PTPRN2: variants seen among roughly 807,000 people sequenced by gnomAD.
PTPRN2 encodes receptor-type tyrosine-protein phosphatase N2.
Under a neutral mutation model 118.8 loss-of-function variants are expected in PTPRN2, and 74 were observed. That is an observed-to-expected ratio of 0.62 (90% CI 0.52 to 0.76). The LOEUF (loss-of-function observed/expected upper bound fraction) is 0.76, where lower values mean the gene tolerates loss of function less well. Among genes scored for constraint, PTPRN2 ranks in the 30% least tolerant of loss-of-function variants. The pLI is 0.00. For synonymous variants in PTPRN2, 641 were observed against 608.0 expected, an observed-to-expected ratio of 1.05 and a Z score of -0.80; for missense variants, 1,481 against 1,394.4, an observed-to-expected ratio of 1.06 and a Z score of -0.99.
intron 12 of PTPRN2, among the ~76,000 whole-genome samples, chr7:157,812,209 C>G (rs1264818473): frequency 1.3e-5 from 2 of 152,190 alleles, no homozygotes; most frequent in Non-Finnish European, 2.9e-5. Flanking sequence ...GATGTGAGGT[C>G]CGCTCATTAG....
Position 158,555,771 on chromosome 7 carries a change from C to A in PTPRN2, c.112+31787G>T, listed in dbSNP as rs1334507947. ...CCAGCGGGTTCCACCCACTGCCTAG[C>A]AGGCCATCTACATGGGGCAGACCAC... On this transcript the variant is annotated intron_variant, in intron 1 of 22. Transcript: ENST00000389418. The surrounding 1 kb of genome is among the most constrained non-coding windows in gnomAD (Gnocchi z 4.7). 6.6e-6 allele frequency among the ~76,000 whole-genome samples: 1 copy of A among 152,144 alleles called. No homozygotes were observed. The highest frequency in any genetic ancestry group is 6.5e-5 in the Admixed American group (1 of 15,284).
chr7:158,188,879 C>G (rs1240833126), intron 5 of PTPRN2, among the ~76,000 whole-genome samples: 1 of 152,162 alleles, frequency 6.6e-6, no homozygotes, highest in African/African-American at 2.4e-5. Context: ...GTAAATACAA[C>G]TGGTTAGTGT....
chr7:157,904,328 G>A (rs1475639558), intron 11 of PTPRN2, among the ~76,000 whole-genome samples: 1 of 152,172 alleles, frequency 6.6e-6, no homozygotes, highest in Non-Finnish European at 1.5e-5. Context: ...GAGGAGTCAG[G>A]GGCTCCGCAG....
intron 2 of PTPRN2, among the ~76,000 whole-genome samples, chr7:158,337,804 T>C (rs868644807): frequency 2.6e-4 from 2 of 7,644 alleles, no homozygotes; most frequent in East Asian, 2.9e-3. Context: ...CCATAAGAGG[T>C]GACGCCCATA....
At chr7:158,005,792 C>T (rs1443033078) in intron 11 of PTPRN2, among the ~76,000 whole-genome samples, 2 of 152,314 alleles carry the variant, frequency 1.3e-5, no homozygotes, top group African/African-American at 2.4e-5. Flanking sequence ...TCCTCATGCA[C>T]GCTGAGGCAC....
intron 2 of PTPRN2, among the ~76,000 whole-genome samples, chr7:158,326,579 T>C (rs1241800004): frequency 1.3e-5 from 2 of 151,796 alleles, no homozygotes; most frequent in African/African-American, 4.8e-5. Context: ...CACATACACG[T>C]CCTCACACAT....
rs1801741244 is a variant in PTPRN2 at position 157,964,196 on chromosome 7, G to T, written c.1724-65459C>A. Among the ~76,000 whole-genome samples, 1 of 152,096 alleles carries T rather than the reference G, an allele frequency of 6.6e-6. No homozygotes were observed. Among genetic ancestry groups the T allele is most frequent in the African/African-American group, 2.4e-5 (1 of 41,404 alleles). On this transcript the variant is annotated intron_variant, in intron 11 of 22. Coordinates refer to ENST00000389418, the MANE Select transcript of PTPRN2 (RefSeq NM_002847.5). The surrounding 1 kb of genome is among the most constrained non-coding windows in gnomAD (Gnocchi z 9.0). ...TGGGGTAGTGTTGAGTTCTGGTCCTGGTCCCACCGACCTGGGCTGGAGCTC... is the reference window on the plus strand; with the variant it reads ...TGGGGTAGTGTTGAGTTCTGGTCCTTGTCCCACCGACCTGGGCTGGAGCTC...
At chr7:158,298,619 A>C (rs956667243) in intron 3 of PTPRN2, among the ~76,000 whole-genome samples, 29 of 152,184 alleles carry the variant, frequency 1.9e-4, no homozygotes, top group African/African-American at 6.8e-4. Flanking sequence ...GCCACCTCTG[A>C]AGGAATGGCC....
intron 12 of PTPRN2, among the ~76,000 whole-genome samples, chr7:157,883,667 A>T (rs1563205885): frequency 1.3e-5 from 2 of 151,822 alleles, no homozygotes; most frequent in Non-Finnish European, 2.9e-5. Flanking sequence ...AGAAACCAGA[A>T]CACAACACCC....
chr7:158,060,922 T>A (rs1269556382), intron 11 of PTPRN2, among the ~76,000 whole-genome samples: 1 of 152,234 alleles, frequency 6.6e-6, no homozygotes, highest in Non-Finnish European at 1.5e-5. Flanking sequence ...CAAGTGAGCT[T>A]GTATCAAGGC....
chr7:157,996,317 G>A (rs73745055), intron 11 of PTPRN2, among the ~76,000 whole-genome samples: 5,191 of 152,278 alleles, frequency 0.034, 308 homozygotes, highest in African/African-American at 0.12. Flanking sequence ...TTCGCCGCTC[G>A]GGCCCATCTA....
At chr7:157,543,884 C>T (rs1347934318) in intron 22 of PTPRN2, among the ~76,000 whole-genome samples, 1 of 152,176 alleles carries the variant, frequency 6.6e-6, no homozygotes, top group Non-Finnish European at 1.5e-5. Context: ...AGAGTTGAGC[C>T]CTGCCCAAGT....
At chr7:158,083,756 A>G (rs11764121) in intron 10 of PTPRN2, among the ~76,000 whole-genome samples, 127,646 of 152,140 alleles carry the variant, frequency 0.84, 54,155 homozygotes, top group East Asian at 0.99. Context: ...CCCAGTGACC[A>G]TCGCCGTCAG....
At chr7:158,440,817 AGT>A in intron 2 of PTPRN2, among the ~76,000 whole-genome samples, 1 of 28,918 alleles carries the variant, frequency 3.5e-5, no homozygotes, top group Middle Eastern at 0.033. Flanking sequence ...TGGTGGTAGT[AGT>A]AGTGGTGGTG....
intron 3 of PTPRN2, among the ~76,000 whole-genome samples, chr7:158,285,899 C>A (rs1799738346): frequency 6.6e-6 from 1 of 152,038 alleles, no homozygotes; most frequent in Non-Finnish European, 1.5e-5. Context: ...ACAGAGAGAG[C>A]TCCACACACC....
In PTPRN2 at chr7:158,247,836, G is replaced by A. The variant is rs149402251; in HGVS notation, c.278-42563C>T. On this transcript the variant is annotated intron_variant, in intron 3 of 22. Transcript: ENST00000389418. ...TCCCCATGTTGGCCAGGCTGGTCTC[G>A]AACTCCTCACCTCAGGTGATCCACC... 3.1e-3 allele frequency among the ~76,000 whole-genome samples: 467 copies of A among 152,150 alleles called. 3 individuals carry two copies. Among genetic ancestry groups the A allele is most frequent in the African/African-American group, 0.011 (446 of 41,504 alleles).
intron 9 of PTPRN2, among the ~76,000 whole-genome samples, chr7:158,124,313 C>T (rs971865390): frequency 1.5e-4 from 23 of 152,194 alleles, no homozygotes; most frequent in East Asian, 3.9e-4. Flanking sequence ...AATCAGCTGA[C>T]GGAGGAAGAC....
chr7:157,580,876 C>A (rs1800335295), intron 17 of PTPRN2, among the ~76,000 whole-genome samples: 1 of 126,228 alleles, frequency 7.9e-6, no homozygotes. Context: ...CCCTGCACAC[C>A]CCAGCACCTG....
At position 157,637,861 on chromosome 7, in the gene PTPRN2, C is replaced by T. The variant is rs142492908; in HGVS notation, c.2197-16352G>A. On this transcript the variant is annotated intron_variant, in intron 14 of 22. Coordinates refer to ENST00000389418, the MANE Select transcript of PTPRN2 (RefSeq NM_002847.5). ...TTCTGTGCCAACGATGTACTCATTACGATTTTCTGATGAAGTTTTTAGGAA... is the reference window on the plus strand; with the variant it reads ...TTCTGTGCCAACGATGTACTCATTATGATTTTCTGATGAAGTTTTTAGGAA... Among the ~76,000 whole-genome samples the T allele has an allele frequency of 3.8e-4, 58 of 152,342 alleles. 1 individual carries two copies. The East Asian group carries it at 9.1e-3, about 24-fold the overall frequency.
Sources: gnomAD v4.1 joint callset for allele counts (sites outside exome capture counted in the v4.1 genomes callset) on GRCh38, gnomAD v4.1.1 for gene constraint, Gnocchi (gnomAD v3.1) non-coding constraint, MANE v1.5 for transcripts, NCBI Gene and HGNC (gene_info 2026-07-23, HGNC 2026-07-21) for gene names.